AMOTL1: variants seen among roughly 807,000 people sequenced by gnomAD.
AMOTL1 encodes the protein angiomotin like 1.
A neutral mutation model predicts 102.9 loss-of-function variants in AMOTL1; 45 were observed. The observed-to-expected ratio is 0.44, with a 90% CI of 0.34 to 0.56. The LOEUF is 0.56. Among genes scored for constraint, AMOTL1 ranks in the 20% least tolerant of loss-of-function variants. The probability of loss-of-function intolerance (pLI) is 0.01; values close to 1 mark genes in which losing one functional copy is unlikely to be tolerated. For synonymous variants in AMOTL1, 481 were observed against 484.7 expected (o/e 0.99, Z 0.10); for missense variants, 1,114 against 1,225.6 (o/e 0.91, Z 1.36).
intron 11 of AMOTL1, among the ~76,000 whole-genome samples, chr11:94,867,021 G>C (rs1294964347): frequency 6.6e-6 from 1 of 152,100 alleles, no homozygotes; most frequent in African/African-American, 2.4e-5. Context: ...GCCTCTCCAG[G>C]GGTCTGGCCC....
intron 3 of AMOTL1, among the ~76,000 whole-genome samples, chr11:94,750,703 G>A (rs903328424): frequency 1.3e-5 from 2 of 152,216 alleles, no homozygotes; most frequent in African/African-American, 4.8e-5. Context: ...GCTTCTGAGA[G>A]CTAACTTTTT....
chr11:94,780,203 C>T (rs1398894554), intron 1 of AMOTL1, among the ~76,000 whole-genome samples: 1 of 152,202 alleles, frequency 6.6e-6, no homozygotes, highest in Non-Finnish European at 1.5e-5. Context: ...AGTAACTACC[C>T]TATTGTCACT....
chr11:94,725,096 G>T (rs1950234847), intron 1 of AMOTL1, among the ~76,000 whole-genome samples: 1 of 152,148 alleles, frequency 6.6e-6, no homozygotes, highest in Non-Finnish European at 1.5e-5. Flanking sequence ...AGTGTGACTT[G>T]GCTGCATTAG....
chr11:94,768,631 G>C (rs983949809), intron 1 of AMOTL1, 71 bp downstream of exon 1: 61 of 1,548,786 alleles, frequency 3.9e-5, no homozygotes, highest in Non-Finnish European at 4.8e-5. Context: ...CAGTCGCCCC[G>C]GGCTCCCCGG....
intron 1 of AMOTL1, among the ~76,000 whole-genome samples, chr11:94,774,598 G>A (rs913746895): frequency 6.6e-6 from 1 of 152,198 alleles, no homozygotes; most frequent in Non-Finnish European, 1.5e-5. Context: ...ATGTGATTGA[G>A]CATCAGAATA....
intron 8 of AMOTL1, among the ~76,000 whole-genome samples, 200 bp downstream of exon 8, chr11:94,854,282 A>G (rs1417986597): frequency 6.6e-6 from 1 of 152,204 alleles, no homozygotes; most frequent in East Asian, 1.9e-4. Context: ...ATGTCCTCAC[A>G]GAGAGAAAGT....
chr11:94,748,125 G>A (rs1454761550), intron 3 of AMOTL1, among the ~76,000 whole-genome samples: 2 of 152,180 alleles, frequency 1.3e-5, no homozygotes, highest in Non-Finnish European at 2.9e-5. Flanking sequence ...TAGGATATAG[G>A]TTGGGCTGCT....
At position 94,872,863 on chromosome 11, in the gene AMOTL1, G is replaced by C. The variant is rs1396086561; in HGVS notation, c.*2068G>C. On this transcript the variant is annotated 3_prime_UTR_variant, in exon 13 of 13. Transcript: ENST00000433060. ...GAGGATGGACATGGGTGGGGAGAGG[G>C]CATAGACATCCCTTCCTAATCTCTG... The C allele has an allele frequency of 6.6e-6, 1 of 152,196 alleles. No individual in the cohort carries two copies. Among genetic ancestry groups the C allele is most frequent in the Non-Finnish European group, 1.5e-5 (1 of 68,070 alleles). 9.4% of individuals were successfully genotyped at this position (152,196 alleles called of 1,614,324 possible). A position where few individuals can be genotyped will look rare whatever the true frequency, so the allele number is the denominator to read the frequency against.
At chr11:94,845,075 C>T (rs1336897381) in intron 6 of AMOTL1, among the ~76,000 whole-genome samples, 1 of 152,348 alleles carries the variant, frequency 6.6e-6, no homozygotes, top group African/African-American at 2.4e-5. Context: ...ACATAGAGCC[C>T]TGACCTTATA....
At chr11:94,780,509 A>C (rs1173365101) in intron 1 of AMOTL1, among the ~76,000 whole-genome samples, 1 of 152,232 alleles carries the variant, frequency 6.6e-6, no homozygotes, top group Non-Finnish European at 1.5e-5. Flanking sequence ...TCTGACCTAA[A>C]CAAAACTCTA....
At position 94,871,821 on chromosome 11, in the gene AMOTL1, A is replaced by G. The variant is rs1289454023; in HGVS notation, c.*1026A>G. The G allele has an allele frequency of 6.6e-6, 1 of 152,020 alleles. No individual in the cohort carries two copies. Among genetic ancestry groups the G allele is most frequent in the African/African-American group, 2.4e-5 (1 of 41,352 alleles). The allele number at this position is 152,020 out of a possible 1,614,324, so 9.4% of individuals were successfully genotyped here. ...GTCTTGCAAGGAGCTTGACATTTCC[A>G]AATTCCATTGCTCTGTTTGGGGAAG... On this transcript the variant is annotated 3_prime_UTR_variant, in exon 13 of 13. Transcript: ENST00000433060.
chr11:94,790,826 C>T (rs1048006292), intron 1 of AMOTL1, among the ~76,000 whole-genome samples: 10 of 152,182 alleles, frequency 6.6e-5, no homozygotes, highest in Non-Finnish European at 1.5e-4. Context: ...TATTAATGGC[C>T]TGTGGACAGA....
At chr11:94,776,128 G>C (rs1273075192) in intron 1 of AMOTL1, among the ~76,000 whole-genome samples, 3 of 152,184 alleles carry the variant, frequency 2.0e-5, no homozygotes, top group Admixed American at 2.0e-4. Flanking sequence ...TTCCACTGTT[G>C]AACCAAGCTT....
intron 1 of AMOTL1, among the ~76,000 whole-genome samples, chr11:94,786,295 A>T (rs1240654346): frequency 2.6e-5 from 4 of 152,244 alleles, no homozygotes; most frequent in African/African-American, 9.6e-5. Context: ...AAGCCTTTTT[A>T]TTATGGATAC....
At chr11:94,773,923 T>G (rs985301234) in intron 1 of AMOTL1, among the ~76,000 whole-genome samples, 2 of 152,196 alleles carry the variant, frequency 1.3e-5, no homozygotes, top group African/African-American at 4.8e-5. Context: ...TGAGAACAGG[T>G]GTATCCTGGC....
At chr11:94,754,652 C>G (rs1254774740) in intron 3 of AMOTL1, among the ~76,000 whole-genome samples, 1 of 152,136 alleles carries the variant, frequency 6.6e-6, no homozygotes, top group African/African-American at 2.4e-5. Context: ...CTATCAGCTT[C>G]TTATAGCTGA....
intron 6 of AMOTL1, among the ~76,000 whole-genome samples, chr11:94,845,348 G>A (rs78362540): frequency 0.019 from 2,920 of 152,228 alleles, 93 homozygotes; most frequent in African/African-American, 0.067. Context: ...ACTAACGTAC[G>A]GGTGGAGACA....
At chr11:94,821,028 G>A (rs536148189) in intron 3 of AMOTL1, among the ~76,000 whole-genome samples, 25 of 152,264 alleles carry the variant, frequency 1.6e-4, no homozygotes, top group South Asian at 6.2e-4. Context: ...GGGGACCACC[G>A]TGCTAGCTGA....
At chr11:94,809,010 GC>G (rs1473718986) in intron 3 of AMOTL1, among the ~76,000 whole-genome samples, 18 of 103,508 alleles carry the variant, frequency 1.7e-4, no homozygotes, top group Non-Finnish European at 3.0e-4. Context: ...TCACTTTGTT[GC>G]CCAGGCTGGA....
Sources: gnomAD v4.1 joint callset for allele counts (sites outside exome capture counted in the v4.1 genomes callset) on GRCh38, gnomAD v4.1.1 for gene constraint, MANE v1.5 for transcripts, NCBI Gene and HGNC (gene_info 2026-07-23, HGNC 2026-07-21) for gene names.